GAB4: variants seen among roughly 807,000 people sequenced by gnomAD.
The protein encoded by GAB4 is GRB2 associated binding protein family member 4.
Under a neutral mutation model 51.3 loss-of-function variants are expected in GAB4, and 26 were observed. That is an observed-to-expected ratio of 0.51 (90% CI 0.37 to 0.70). The LOEUF (loss-of-function observed/expected upper bound fraction) is 0.70. Ranked by LOEUF, GAB4 falls within the 30% of genes least tolerant of loss-of-function variation. The probability of loss-of-function intolerance (pLI) is 0.00; values close to 1 mark genes in which losing one functional copy is unlikely to be tolerated. For synonymous variants in GAB4, 329 were observed against 291.2 expected, an observed-to-expected ratio of 1.13 and a Z score of -1.32; for missense variants, 759 against 734.6, an observed-to-expected ratio of 1.03 and a Z score of -0.38.
chr22:17,001,214 G>T (rs1470057908), intron 1 of GAB4, among the ~76,000 whole-genome samples: 1 of 152,194 alleles, frequency 6.6e-6, no homozygotes, highest in Non-Finnish European at 1.5e-5. Context: ...AATTCTCCTG[G>T]ATAATATCCT....
chr22:16,976,750 A>T (rs1048837241), intron 3 of GAB4, among the ~76,000 whole-genome samples: 1 of 152,208 alleles, frequency 6.6e-6, no homozygotes, highest in Non-Finnish European at 1.5e-5. Flanking sequence ...GAAGGAAAAA[A>T]TGCTAAGAGC....
chr22:16,967,319 A>G (rs1386687158), intron 5 of GAB4: 2 of 152,662 alleles, frequency 1.3e-5, no homozygotes, highest in Non-Finnish European at 2.9e-5. Flanking sequence ...CCCAATGTCC[A>G]CTCAGGTTTC....
intron 5 of GAB4, chr22:16,967,159 A>C (rs1264991053): frequency 6.6e-6 from 1 of 152,230 alleles, no homozygotes; most frequent in Non-Finnish European, 1.5e-5. Flanking sequence ...GGGTCCACTC[A>C]GGTTTCTGGA....
intron 3 of GAB4, among the ~76,000 whole-genome samples, chr22:16,976,630 C>T (rs1186528932): frequency 6.6e-6 from 1 of 152,106 alleles, no homozygotes; most frequent in Non-Finnish European, 1.5e-5. Flanking sequence ...CCCAACCTAG[C>T]AAGAGAAGCC....
chr22:16,999,322 G>A (rs1275139678), intron 1 of GAB4, among the ~76,000 whole-genome samples: 3 of 152,202 alleles, frequency 2.0e-5, no homozygotes, highest in South Asian at 2.1e-4. Flanking sequence ...TTCAGAACCT[G>A]TTATTGGTCT....
rs763523269 is a variant in GAB4 at position 16,966,268 on chromosome 22, G to C, written c.1120C>G (p.Gln374Glu). Reference protein sequence around the residue: ...PGSPTLPAVKQAGDDSQGVCI... With the variant: ...PGSPTLPAVKEAGDDSQGVCI... ...ACACCCTGGGAATCATCGCCTGCTTGCTTCACAGCCGGCAGGGTAGGGGAG... is the reference window on the plus strand; with the variant it reads ...ACACCCTGGGAATCATCGCCTGCTTCCTTCACAGCCGGCAGGGTAGGGGAG... Residue 374 changes from glutamine to glutamate, a missense_variant, in exon 6 of 10, where the codon CAA becomes GAA. Gln to Glu is a conservative substitution (Grantham distance 29). This residue lies in a region of GAB4 where 588 missense variants were observed against 510.2 expected (regional missense o/e 1.15). Coordinates refer to ENST00000400588, the MANE Select transcript of GAB4 (RefSeq NM_001037814.1). 8.1e-6 allele frequency: 13 copies of C among 1,613,816 alleles called. No individual in the cohort carries two copies. The highest frequency in any genetic ancestry group is 2.2e-5 in the East Asian group (1 of 44,882).
chr22:16,969,806 G>C (rs2060713922), intron 4 of GAB4, 137 bp downstream of exon 4: 2 of 1,084,536 alleles, frequency 1.8e-6, no homozygotes, highest in South Asian at 1.4e-5. Context: ...CCATGGCATA[G>C]AGGTTCTTGT....
At chr22:16,968,430 G>A (rs1424994799) in intron 4 of GAB4, 47 bp from the exon 5 acceptor site, 20 of 1,393,452 alleles carry the variant, frequency 1.4e-5, no homozygotes, top group East Asian at 2.3e-5. Flanking sequence ...TGATCCATGT[G>A]TTGATGCCTC....
At chr22:16,968,519 T>C in intron 4 of GAB4, 136 bp from the exon 5 acceptor site, 1 of 672,402 alleles carries the variant, frequency 1.5e-6, no homozygotes. Flanking sequence ...GACAAAGCGT[T>C]ACCTCTAACA....
At chr22:17,004,548 T>C (rs766119142) in intron 1 of GAB4, among the ~76,000 whole-genome samples, 1 of 152,046 alleles carries the variant, frequency 6.6e-6, no homozygotes, top group Non-Finnish European at 1.5e-5. Flanking sequence ...ACGTAATCCA[T>C]CACACAAAAA....
intron 2 of GAB4, among the ~76,000 whole-genome samples, chr22:16,989,077 AC>A (rs2060892384): frequency 6.6e-6 from 1 of 152,184 alleles, no homozygotes; most frequent in African/African-American, 2.4e-5. Flanking sequence ...GAGAACCGCT[AC>A]TGATGTTGTT....
At chr22:16,980,768 C>A (rs1452869059) in intron 3 of GAB4, among the ~76,000 whole-genome samples, 1 of 152,088 alleles carries the variant, frequency 6.6e-6, no homozygotes, top group Non-Finnish European at 1.5e-5. Flanking sequence ...GGATGCCCCT[C>A]AATGATAGAC....
chr22:16,972,190 GCGTCA>G (rs1006257001), intron 3 of GAB4, among the ~76,000 whole-genome samples: 2 of 152,244 alleles, frequency 1.3e-5, no homozygotes, highest in African/African-American at 4.8e-5. Context: ...TGCAGGACAG[GCGTCA>G]CAGCAGTGGA....
intron 1 of GAB4, among the ~76,000 whole-genome samples, chr22:17,002,858 T>TA (rs1393260094): frequency 2.0e-5 from 3 of 152,282 alleles, no homozygotes; most frequent in Admixed American, 2.0e-4. Context: ...GTAAATGGGC[T>TA]AAATGCCCCA....
At chr22:16,982,821 T>A (rs1226676999) in intron 3 of GAB4, among the ~76,000 whole-genome samples, 3 of 152,154 alleles carry the variant, frequency 2.0e-5, no homozygotes, top group African/African-American at 7.2e-5. Context: ...TAAAAGAGTC[T>A]CGGAACATGT....
Position 16,970,281 on chromosome 22 carries a change from G to A in GAB4, c.687-88C>T, listed in dbSNP as rs1443492455. On this transcript the variant is annotated intron_variant, in intron 3 of 9. Transcript: ENST00000400588. The stretch of plus-strand genomic sequence containing the variant: ...CAGGCGGGGAAGTTCACAGCCCAAT[G>A]TAGTGAGATGATATGGAGAAAACAC... The A allele has an allele frequency of 2.8e-6, 4 of 1,419,536 alleles. No individual in the cohort carries two copies. In the African/African-American group the frequency reaches 5.7e-5, roughly 20 times the overall value. 87.9% of individuals were successfully genotyped at this position (1,419,536 alleles called of 1,614,324 possible).
At chr22:16,973,526 C>CATG (rs2060750995) in intron 3 of GAB4, among the ~76,000 whole-genome samples, 2 of 152,180 alleles carry the variant, frequency 1.3e-5, no homozygotes, top group African/African-American at 4.8e-5. Flanking sequence ...CCCCTGAGTA[C>CATG]GTCCCACATG....
chr22:16,990,922 G>T (rs562314877), intron 2 of GAB4, among the ~76,000 whole-genome samples: 1 of 152,136 alleles, frequency 6.6e-6, no homozygotes, highest in South Asian at 2.1e-4. Flanking sequence ...AGAATGTGCA[G>T]GTCTAACAAG....
intron 5 of GAB4, among the ~76,000 whole-genome samples, chr22:16,967,758 T>C (rs1471013929): frequency 3.3e-5 from 5 of 152,208 alleles, no homozygotes; most frequent in African/African-American, 1.2e-4. Context: ...CCAGGCCTTG[T>C]TGCTTGTCTG....
Sources: allele counts gnomAD v4.1 joint callset (sites outside exome capture counted in the v4.1 genomes callset), GRCh38; gene constraint gnomAD v4.1.1; regional missense constraint gnomAD v4.1.1; transcripts MANE v1.5; gene names NCBI Gene and HGNC (gene_info 2026-07-23, HGNC 2026-07-21).